ROBO2: variants seen among roughly 807,000 people sequenced by gnomAD.
ROBO2 encodes roundabout homolog 2.
Under a neutral mutation model 160.8 loss-of-function variants are expected in ROBO2, and 53 were observed. The observed-to-expected ratio is 0.33, with a 90% CI of 0.26 to 0.41. The LOEUF is 0.41. Among genes scored for constraint, ROBO2 ranks in the 10% least tolerant of loss-of-function variants. ROBO2 has a pLI of 1.00. For synonymous variants in ROBO2, 664 were observed against 611.7 expected (o/e 1.09, Z -1.26); for missense variants, 1,577 against 1,722.4 (o/e 0.92, Z 1.49).
At chr3:76,571,924 T>C (rs2084981064) in intron 2 of ROBO2, among the ~76,000 whole-genome samples, 1 of 152,140 alleles carries the variant, frequency 6.6e-6, no homozygotes, top group Non-Finnish European at 1.5e-5. Flanking sequence ...GGAGGATCAC[T>C]TGAGCCCAAG....
chr3:76,702,657 A>G (rs2093071284), intron 2 of ROBO2, among the ~76,000 whole-genome samples: 1 of 152,078 alleles, frequency 6.6e-6, no homozygotes, highest in South Asian at 2.1e-4. Flanking sequence ...AGTTTTGTCA[A>G]AAACAAAATG....
At chr3:75,962,873 G>T (rs1185326674) in intron 2 of ROBO2, among the ~76,000 whole-genome samples, 2 of 151,752 alleles carry the variant, frequency 1.3e-5, no homozygotes, top group East Asian at 3.9e-4. Context: ...GTAGGGTTTT[G>T]TTGTTGTTGT....
chr3:76,424,292 C>A (rs114020616), intron 2 of ROBO2, among the ~76,000 whole-genome samples: 1,664 of 152,238 alleles, frequency 0.011, 30 homozygotes, highest in African/African-American at 0.036. Flanking sequence ...TGTTATTAGG[C>A]TTGCTAATAT....
chr3:77,123,460 A>G (rs2074983716), intron 2 of ROBO2, among the ~76,000 whole-genome samples: 1 of 152,138 alleles, frequency 6.6e-6, no homozygotes, highest in Admixed American at 6.5e-5. Context: ...TGATTATTGG[A>G]GCACTTTGGA....
At chr3:77,393,506 G>T (rs2074956468) in intron 2 of ROBO2, among the ~76,000 whole-genome samples, 1 of 147,236 alleles carries the variant, frequency 6.8e-6, no homozygotes, top group Non-Finnish European at 1.5e-5. Context: ...GACTAGCACA[G>T]AGTAAGTTAC....
At chr3:76,144,350 C>T (rs2071804680) in intron 2 of ROBO2, among the ~76,000 whole-genome samples, 1 of 151,936 alleles carries the variant, frequency 6.6e-6, no homozygotes, top group South Asian at 2.1e-4. Flanking sequence ...TTTATGAATT[C>T]CATGAAGCCT....
At chr3:76,321,846 C>T (rs1026400944) in intron 2 of ROBO2, among the ~76,000 whole-genome samples, 4 of 152,064 alleles carry the variant, frequency 2.6e-5, no homozygotes, top group Non-Finnish European at 2.9e-5. Context: ...ATTCTGTGTG[C>T]GTTACCTGGG....
chr3:75,982,212 A>G (rs1156529849), intron 2 of ROBO2, among the ~76,000 whole-genome samples: 2 of 151,532 alleles, frequency 1.3e-5, no homozygotes, highest in African/African-American at 4.8e-5. Flanking sequence ...AGCTATTGTA[A>G]ACAGTGCTGC....
chr3:77,105,785 ATGAAG>A (rs1355578861), intron 2 of ROBO2, among the ~76,000 whole-genome samples: 10 of 152,098 alleles, frequency 6.6e-5, no homozygotes, highest in African/African-American at 7.2e-5. Flanking sequence ...AAGCACATAA[ATGAAG>A]TGAAGTCATT....
chr3:76,861,740 G>A (rs1261902959), intron 2 of ROBO2, among the ~76,000 whole-genome samples: 1 of 152,072 alleles, frequency 6.6e-6, no homozygotes, highest in East Asian at 1.9e-4. Context: ...AACATCAATA[G>A]CTTTCCTCAA....
intron 2 of ROBO2, among the ~76,000 whole-genome samples, chr3:75,938,992 G>A (rs75906510): frequency 6.6e-6 from 1 of 152,142 alleles, no homozygotes; most frequent in African/African-American, 2.4e-5. Context: ...GCCACGTTGG[G>A]TTTCTGTGGC....
chr3:77,353,032 T>G (rs546079159), intron 2 of ROBO2, among the ~76,000 whole-genome samples: 1 of 152,318 alleles, frequency 6.6e-6, no homozygotes, highest in East Asian at 1.9e-4. Flanking sequence ...CACAGAATTA[T>G]TTTTAGAATT....
intron 2 of ROBO2, among the ~76,000 whole-genome samples, chr3:77,225,027 A>C (rs936102495): frequency 2.6e-5 from 4 of 151,870 alleles, no homozygotes; most frequent in African/African-American, 7.2e-5. Context: ...AACATAGAGT[A>C]TTAGAAAAAA....
intron 2 of ROBO2, among the ~76,000 whole-genome samples, chr3:76,131,658 G>A (rs181609062): frequency 1.3e-5 from 2 of 152,248 alleles, no homozygotes; most frequent in Non-Finnish European, 2.9e-5. Flanking sequence ...CAGAGCAGAT[G>A]TGATTTTATT....
At chr3:76,669,342 C>T (rs2092174481) in intron 2 of ROBO2, among the ~76,000 whole-genome samples, 1 of 152,086 alleles carries the variant, frequency 6.6e-6, no homozygotes, top group Non-Finnish European at 1.5e-5. Context: ...ATAAAAAAGG[C>T]AAAAACTTAA....
chr3:77,222,242 A>C (rs960089263), intron 2 of ROBO2, among the ~76,000 whole-genome samples: 1 of 152,148 alleles, frequency 6.6e-6, no homozygotes, highest in Non-Finnish European at 1.5e-5. Flanking sequence ...AAAAGTTGAG[A>C]TATAGATCAT....
intron 2 of ROBO2, among the ~76,000 whole-genome samples, chr3:76,778,056 A>T (rs1228359709): frequency 1.3e-5 from 2 of 151,004 alleles, no homozygotes; most frequent in Admixed American, 6.6e-5. Flanking sequence ...AAGATATGCA[A>T]TGAGTTCTGG....
In ROBO2 at chr3:77,595,128, T is replaced by A. The variant is rs2094270766; in HGVS notation, c.2684-14T>A. ...CTTGTGTGTGCATGTCTTCCTTTTT[T>A]TCTTTTTTCATAGTTACGTTTCAAA... is the stretch of plus-strand genomic sequence containing the variant. On this transcript the variant is annotated splice_polypyrimidine_tract_variant and intron_variant, in intron 17 of 25. Coordinates refer to ENST00000461745, the Ensembl canonical transcript of ROBO2. 1 of 1,606,684 alleles carries A rather than the reference T, an allele frequency of 6.2e-7. No homozygotes were observed. The highest frequency in any genetic ancestry group is 8.5e-7 in the Non-Finnish European group (1 of 1,173,514).
chr3:76,645,614 G>A (rs2090926836), intron 2 of ROBO2, among the ~76,000 whole-genome samples: 1 of 152,196 alleles, frequency 6.6e-6, no homozygotes, highest in African/African-American at 2.4e-5. Context: ...CAGGGAGGGA[G>A]AGGACTGTTA....
Sources: allele counts gnomAD v4.1 joint callset (sites outside exome capture counted in the v4.1 genomes callset), GRCh38; gene constraint gnomAD v4.1.1; transcripts MANE v1.5; gene names NCBI Gene and HGNC (gene_info 2026-07-23, HGNC 2026-07-21).